DCAF6: variants seen among roughly 807,000 people sequenced by gnomAD.
DCAF6 encodes the protein DDB1 and CUL4 associated factor 6.
Under a neutral mutation model 125.1 loss-of-function variants are expected in DCAF6, and 54 were observed. The ratio of observed to expected loss-of-function variants is 0.43; its 90% confidence interval spans 0.35 to 0.54. The LOEUF (loss-of-function observed/expected upper bound fraction) is 0.54. DCAF6 is among the 20% of genes least tolerant of loss of function. The probability of loss-of-function intolerance (pLI) is 0.01; values close to 1 mark genes in which losing one functional copy is unlikely to be tolerated. For missense variants in DCAF6, 934 were observed against 1,161.7 expected (o/e 0.80, Z 2.85); for synonymous variants, 371 against 390.4 (o/e 0.95, Z 0.58).
chr1:168,066,207 G>T (rs1692312504), intron 19 of DCAF6, among the ~76,000 whole-genome samples, 170 bp from the exon 20 acceptor site: 1 of 152,112 alleles, frequency 6.6e-6, no homozygotes, highest in Non-Finnish European at 1.5e-5. Context: ...TACGTTCTAG[G>T]ATAACATTTA....
chr1:168,072,294 T>TTAAAAAA (rs1693164135), intron 21 of DCAF6, among the ~76,000 whole-genome samples: 5 of 41,018 alleles, frequency 1.2e-4, no homozygotes, highest in African/African-American at 4.1e-4. Context: ...AGAATCAGTC[T>TTAAAAAA]AAAAAAAAAA....
the DCAF6 span, among the ~76,000 whole-genome samples, chr1:167,903,609 A>G: frequency 3.3e-5 from 5 of 152,190 alleles, no homozygotes; most frequent in Non-Finnish European, 4.4e-5. Context: ...ATATATAACT[A>G]AAAGTATTAC....
At chr1:168,037,539 T>A (rs1453932382) in intron 12 of DCAF6, among the ~76,000 whole-genome samples, 2 of 152,210 alleles carry the variant, frequency 1.3e-5, no homozygotes, top group African/African-American at 4.8e-5. Flanking sequence ...TAAAGCTCTG[T>A]TTAATTATGT....
intron 2 of DCAF6, among the ~76,000 whole-genome samples, chr1:167,959,192 T>G (rs891898923): frequency 6.6e-6 from 1 of 152,246 alleles, no homozygotes; most frequent in Admixed American, 6.5e-5. Context: ...AGGTTTCCTC[T>G]ATCTTTTCAT....
chr1:168,037,096 T>TCC (rs796639885), intron 12 of DCAF6, among the ~76,000 whole-genome samples: 4 of 141,344 alleles, frequency 2.8e-5, no homozygotes, highest in African/African-American at 1.1e-4. Flanking sequence ...TATGAGATTC[T>TCC]CCCCCCCCTT....
intron 12 of DCAF6, among the ~76,000 whole-genome samples, chr1:168,030,834 G>C (rs780988164): frequency 3.9e-5 from 6 of 152,176 alleles, no homozygotes; most frequent in Non-Finnish European, 5.9e-5. Flanking sequence ...GTGCTTTGTG[G>C]GAGGTACTGT....
the DCAF6 span, among the ~76,000 whole-genome samples, chr1:167,877,679 T>C: frequency 9.9e-5 from 15 of 152,166 alleles, no homozygotes; most frequent in African/African-American, 3.6e-4. Flanking sequence ...AATAGAAGCA[T>C]ATGCTATAGG....
the DCAF6 span, among the ~76,000 whole-genome samples, chr1:167,870,062 A>G: frequency 3.3e-5 from 5 of 152,172 alleles, no homozygotes; most frequent in African/African-American, 1.2e-4. Flanking sequence ...CAGGATATCC[A>G]TGGGTCAGCC....
intron 1 of DCAF6, among the ~76,000 whole-genome samples, chr1:167,945,869 A>G (rs1672991334): frequency 6.7e-6 from 1 of 148,810 alleles, no homozygotes; most frequent in South Asian, 2.1e-4. Context: ...ATTTTGAATC[A>G]TTATTGGTGT....
the DCAF6 span, among the ~76,000 whole-genome samples, chr1:167,929,197 A>G: frequency 1.3e-5 from 2 of 151,066 alleles, no homozygotes; most frequent in Non-Finnish European, 3.0e-5. Context: ...CATCTCTACT[A>G]AAAATACAAA....
intron 7 of DCAF6, among the ~76,000 whole-genome samples, chr1:167,999,928 T>C (rs1682338017): frequency 6.6e-6 from 1 of 152,206 alleles, no homozygotes; most frequent in Admixed American, 6.5e-5. Context: ...ACAAATTTGC[T>C]AACTGTTTGG....
intron 17 of DCAF6, among the ~76,000 whole-genome samples, chr1:168,051,590 A>G (rs1038304605): frequency 6.6e-6 from 1 of 152,220 alleles, no homozygotes. Context: ...TCTGTTATTT[A>G]CCATCAGTTT....
the DCAF6 span, among the ~76,000 whole-genome samples, chr1:167,920,919 T>C: frequency 1.3e-5 from 2 of 152,186 alleles, no homozygotes; most frequent in Non-Finnish European, 2.9e-5. Flanking sequence ...CACGTACATA[T>C]ATATTTTGGG....
intron 16 of DCAF6, among the ~76,000 whole-genome samples, chr1:168,045,766 G>T (rs187113861): frequency 1.4e-3 from 207 of 152,134 alleles, no homozygotes; most frequent in Middle Eastern, 3.4e-3. Flanking sequence ...ATAAAAAATT[G>T]AATTGCCAAC....
At chr1:167,926,678 T>C in the DCAF6 span, among the ~76,000 whole-genome samples, 2 of 152,192 alleles carry the variant, frequency 1.3e-5, no homozygotes, top group Non-Finnish European at 2.9e-5. Context: ...GGGATGCTGT[T>C]AAACATCCTC....
chr1:168,010,676 A>G (rs1425314463), intron 10 of DCAF6, among the ~76,000 whole-genome samples: 2 of 152,172 alleles, frequency 1.3e-5, no homozygotes, highest in Non-Finnish European at 2.9e-5. Context: ...AAAATGAGAA[A>G]GATACGACCA....
chr1:167,887,964 C>T, the DCAF6 span, among the ~76,000 whole-genome samples: 1 of 152,076 alleles, frequency 6.6e-6, no homozygotes, highest in Admixed American at 6.5e-5. Flanking sequence ...TTGTATATAG[C>T]AAGAGATAGG....
intron 17 of DCAF6, among the ~76,000 whole-genome samples, chr1:168,057,328 C>G (rs1426465747): frequency 6.6e-6 from 1 of 152,086 alleles, no homozygotes. Context: ...GGTTTATAGA[C>G]TGTTTCTGCT....
At chr1:168,061,634 G>T (rs1283604474) in intron 17 of DCAF6, among the ~76,000 whole-genome samples, 1 of 151,888 alleles carries the variant, frequency 6.6e-6, no homozygotes, top group Non-Finnish European at 1.5e-5. Flanking sequence ...TTTCCAATCT[G>T]TCTCAATTAC....
Sources: gnomAD v4.1 joint callset for allele counts (sites outside exome capture counted in the v4.1 genomes callset) on GRCh38, gnomAD v4.1.1 for gene constraint, MANE v1.5 for transcripts, NCBI Gene and HGNC (gene_info 2026-07-23, HGNC 2026-07-21) for gene names.